KALRN: variants seen among roughly 807,000 people sequenced by gnomAD.
The protein encoded by KALRN is kalirin.
KALRN carries 70 observed loss-of-function variants against 353.7 expected under a neutral mutation model. The observed-to-expected ratio is 0.20, with a 90% confidence interval of 0.16 to 0.24. The LOEUF is 0.24. Ranked by LOEUF, KALRN falls within the 10% of genes least tolerant of loss-of-function variation. The pLI, the probability that KALRN is intolerant of heterozygous loss-of-function variation, is 1.00. For synonymous variants in KALRN, 1,391 were observed against 1,434.8 expected (o/e 0.97, Z 0.69); for missense variants, 2,791 against 3,756.7 (o/e 0.74, Z 6.72).
chr3:124,681,629 CTTTTT>C (rs56934346), intron 51 of KALRN, among the ~76,000 whole-genome samples: 2 of 103,720 alleles, frequency 1.9e-5, no homozygotes, highest in Non-Finnish European at 1.8e-5. Flanking sequence ...CAGTGATTGT[CTTTTT>C]TTTTTTTTTT....
At chr3:124,400,673 G>T (rs2090742833) in intron 13 of KALRN, among the ~76,000 whole-genome samples, 2 of 151,978 alleles carry the variant, frequency 1.3e-5, no homozygotes, top group South Asian at 4.2e-4. Flanking sequence ...TAAAAGAGAG[G>T]GTATGGGTCA....
At chr3:124,100,163 C>CA (rs1043768904) in intron 1 of KALRN, among the ~76,000 whole-genome samples, 172 of 150,180 alleles carry the variant, frequency 1.1e-3, no homozygotes, top group African/African-American at 3.4e-3. Context: ...GACTCAGTCT[C>CA]AAAAAAAAAG....
intron 33 of KALRN, among the ~76,000 whole-genome samples, chr3:124,517,044 C>G (rs1180786157): frequency 6.6e-6 from 1 of 152,182 alleles, no homozygotes; most frequent in Non-Finnish European, 1.5e-5. Flanking sequence ...TCTCGAACGC[C>G]TGATCTCGTG....
At chr3:124,090,847 T>C (rs1489118193) in intron 1 of KALRN, among the ~76,000 whole-genome samples, 1 of 152,236 alleles carries the variant, frequency 6.6e-6, no homozygotes, top group East Asian at 1.9e-4. Context: ...AAGGTGATTC[T>C]GCTGCCCATT....
At chr3:124,355,138 T>A (rs1454557902) in intron 10 of KALRN, among the ~76,000 whole-genome samples, 1 of 152,192 alleles carries the variant, frequency 6.6e-6, no homozygotes, top group Non-Finnish European at 1.5e-5. Context: ...AGAATGTGAA[T>A]CATTGTAGAA....
chr3:124,506,279 A>T (rs1003421730), intron 33 of KALRN, among the ~76,000 whole-genome samples: 3 of 152,078 alleles, frequency 2.0e-5, no homozygotes, highest in Non-Finnish European at 2.9e-5. Flanking sequence ...TCCTATTTTC[A>T]ACCAGACACT....
intron 1 of KALRN, among the ~76,000 whole-genome samples, chr3:124,057,669 G>A (rs1385023141): frequency 1.3e-5 from 2 of 152,126 alleles, no homozygotes; most frequent in African/African-American, 4.8e-5. Context: ...GGAGCCCAGT[G>A]AGAGGACCTG....
At position 124,227,971 on chromosome 3, in the gene KALRN, C is replaced by T; in HGVS notation, c.74-19C>T. ...CTGGCTCCTCTCACCCTGATTCCTT[C>T]TGGTTTGTTGTCCCACAGGGTCTTT... On this transcript the variant is annotated intron_variant, in intron 1 of 59. Transcript: ENST00000682506. The T allele has an allele frequency of 6.2e-7, 1 of 1,608,164 alleles. No individual in the cohort carries two copies. Among genetic ancestry groups the T allele is most frequent in the Non-Finnish European group, 8.5e-7 (1 of 1,174,598 alleles).
intron 1 of KALRN, among the ~76,000 whole-genome samples, chr3:124,192,613 G>A (rs1483697313): frequency 5.3e-5 from 8 of 152,096 alleles, no homozygotes; most frequent in Non-Finnish European, 7.3e-5. Flanking sequence ...TTACATGCCT[G>A]TATCCAAACA....
intron 33 of KALRN, among the ~76,000 whole-genome samples, chr3:124,554,704 T>C (rs1297388816): frequency 1.3e-5 from 2 of 152,104 alleles, no homozygotes; most frequent in Non-Finnish European, 2.9e-5. Context: ...CTGAAAAGTC[T>C]GGTAATCTAT....
rs977331361 is a variant in KALRN, at chr3:124,103,913, G to A, written c.73+70100G>A. On this transcript the variant is annotated intron_variant, in intron 1 of 59. Coordinates refer to ENST00000682506, the MANE Select transcript of KALRN (RefSeq NM_001388419.1). ...GGAGGTTGCAGTGAGCTGAGATCAC[G>A]CTACTGCACTCTAGCCTGGGTGGCA... Among the ~76,000 whole-genome samples, 5 of 152,032 alleles carry A rather than the reference G, an allele frequency of 3.3e-5. No individual in the cohort carries two copies. In the South Asian group the frequency reaches 6.2e-4, roughly 19 times the overall value.
intron 1 of KALRN, among the ~76,000 whole-genome samples, chr3:124,181,026 C>G (rs2073498612): frequency 7.0e-6 from 1 of 142,164 alleles, no homozygotes; most frequent in South Asian, 2.2e-4. Flanking sequence ...AGCTCAGGAG[C>G]TTGAGACCAG....
chr3:124,537,883 T>G (rs2068662343), intron 33 of KALRN, among the ~76,000 whole-genome samples: 1 of 152,192 alleles, frequency 6.6e-6, no homozygotes, highest in Non-Finnish European at 1.5e-5. Context: ...ACCTCTGTTT[T>G]CTCAGTAAGT....
chr3:124,591,140 C>T (rs1052932465), intron 34 of KALRN, among the ~76,000 whole-genome samples: 1 of 152,190 alleles, frequency 6.6e-6, no homozygotes, highest in Non-Finnish European at 1.5e-5. Context: ...GGTCTGCTTT[C>T]AAGGGACTCT....
In KALRN at chr3:124,140,809, G is replaced by T. The variant is rs2066530191; in HGVS notation, c.74-87181G>T. Among the ~76,000 whole-genome samples the T allele has an allele frequency of 2.0e-5, 3 of 152,162 alleles. No homozygotes were observed. The South Asian group carries it at 6.2e-4, about 32-fold the overall frequency. On this transcript the variant is annotated intron_variant, in intron 1 of 59. Coordinates refer to ENST00000682506, the MANE Select transcript of KALRN (RefSeq NM_001388419.1). The stretch of plus-strand genomic sequence containing the variant: ...CTTGCCCTCCCGGGGGGGGCACAGG[G>T]AGTAGGGGAGGGCTGGTCTCACCCT...
chr3:124,077,264 T>TG (rs2060304159), intron 1 of KALRN, among the ~76,000 whole-genome samples: 1 of 152,168 alleles, frequency 6.6e-6, no homozygotes, highest in Non-Finnish European at 1.5e-5. Flanking sequence ...TTTTGTGAGT[T>TG]GCTGAGCTCA....
intron 13 of KALRN, among the ~76,000 whole-genome samples, chr3:124,410,601 A>G (rs2092066886): frequency 1.3e-5 from 2 of 152,248 alleles, no homozygotes. Context: ...TGTTCTCACC[A>G]TCGTGAGTCA....
chr3:124,059,917 T>C (rs2041861748), intron 1 of KALRN, among the ~76,000 whole-genome samples: 1 of 152,200 alleles, frequency 6.6e-6, no homozygotes, highest in South Asian at 2.1e-4. Flanking sequence ...TTTTCTATGG[T>C]GGCCCATGGT....
At position 124,702,021 on chromosome 3, in the gene KALRN, T is replaced by G; in HGVS notation, c.7997-17T>G. On this transcript the variant is annotated splice_polypyrimidine_tract_variant and intron_variant, in intron 56 of 59. Coordinates refer to ENST00000682506, the MANE Select transcript of KALRN (RefSeq NM_001388419.1). ...TGACATCCTCGATATTGTAAATGGA[T>G]TCTCTTTCTTCCGAAGATGCTGCTG... is the stretch of plus-strand genomic sequence containing the variant. 1 of 1,605,978 alleles carries G rather than the reference T, an allele frequency of 6.2e-7. No individual in the cohort carries two copies. Among genetic ancestry groups the G allele is most frequent in the Admixed American group, 1.7e-5 (1 of 60,004 alleles).
Sources: gnomAD v4.1 joint callset for allele counts (sites outside exome capture counted in the v4.1 genomes callset) on GRCh38, gnomAD v4.1.1 for gene constraint, MANE v1.5 for transcripts, NCBI Gene and HGNC (gene_info 2026-07-23, HGNC 2026-07-21) for gene names.